GCLM: variants seen among roughly 807,000 people sequenced by gnomAD.
GCLM encodes the protein glutamate--cysteine ligase regulatory subunit.
Under a neutral mutation model 36.0 loss-of-function variants are expected in GCLM, and 15 were observed. That is an observed-to-expected ratio of 0.42 (90% CI 0.28 to 0.64). The LOEUF (loss-of-function observed/expected upper bound fraction) is 0.64, where lower values mean the gene tolerates loss of function less well. Ranked by LOEUF, GCLM falls within the 30% of genes least tolerant of loss-of-function variation. The pLI, the probability that GCLM is intolerant of heterozygous loss-of-function variation, is 0.25. For synonymous variants in GCLM, 129 were observed against 122.8 expected, an observed-to-expected ratio of 1.05 and a Z score of -0.34; for missense variants, 242 against 325.5, an observed-to-expected ratio of 0.74 and a Z score of 1.97.
At chr1:93,900,933 A>G (rs558865034) in intron 3 of GCLM, among the ~76,000 whole-genome samples, 19 of 152,318 alleles carry the variant, frequency 1.2e-4, no homozygotes, top group Non-Finnish European at 2.6e-4. Flanking sequence ...GAGAAAACTG[A>G]GACTCAGGGA....
intron 1 of GCLM, among the ~76,000 whole-genome samples, chr1:93,908,372 A>G (rs1321077376): frequency 1.3e-5 from 2 of 152,126 alleles, no homozygotes; most frequent in African/African-American, 2.4e-5. Context: ...TTATATTTGT[A>G]CATATTTATG....
In GCLM at chr1:93,901,623, T is replaced by C; in HGVS notation, c.239A>G (p.Lys80Arg). The C allele has an allele frequency of 6.3e-7, 1 of 1,584,350 alleles. No individual in the cohort carries two copies. The highest frequency in any genetic ancestry group is 1.1e-5 in the South Asian group (1 of 90,078). The part of the protein sequence containing the change: ...LECTVSHAVE[K>R]INPDEREEMK... ...TTCTTCTCTTTCATCAGGATTTATC[T>C]TTTCTACTGCATGAGATACAGTGCA... The change falls in exon 3 of 7, where the codon AAG becomes AGG. Residue 80 changes from lysine (K) to arginine (R), a missense_variant. By Grantham distance (26) the Lys-to-Arg change is conservative. Coordinates refer to ENST00000370238, the MANE Select transcript of GCLM (RefSeq NM_002061.4).
At chr1:93,900,191 T>C (rs537288817) in intron 3 of GCLM, among the ~76,000 whole-genome samples, 1 of 152,138 alleles carries the variant, frequency 6.6e-6, no homozygotes, top group Non-Finnish European at 1.5e-5. Flanking sequence ...CTTTAGCCCC[T>C]ATAACTCTAT....
chr1:93,891,157 G>C (rs953394881), intron 6 of GCLM, among the ~76,000 whole-genome samples: 2 of 152,114 alleles, frequency 1.3e-5, no homozygotes, highest in African/African-American at 4.8e-5. Flanking sequence ...AAAGTGCTGG[G>C]ATTACAGGTG....
intron 5 of GCLM, among the ~76,000 whole-genome samples, chr1:93,896,046 T>G (rs1250308810): frequency 6.9e-6 from 1 of 145,926 alleles, no homozygotes; most frequent in Non-Finnish European, 1.5e-5. Context: ...CACTGCAACC[T>G]CCGCCTCTGA....
intron 6 of GCLM, among the ~76,000 whole-genome samples, chr1:93,890,758 C>T (rs1435734040): frequency 6.6e-6 from 1 of 152,104 alleles, no homozygotes; most frequent in Non-Finnish European, 1.5e-5. Context: ...AGTACAAGTA[C>T]ATTCTTAAAG....
chr1:93,908,077 C>G (rs1657208740), intron 1 of GCLM, among the ~76,000 whole-genome samples: 1 of 152,190 alleles, frequency 6.6e-6, no homozygotes. Context: ...TATATTACCT[C>G]TTAATTCTCA....
At position 93,901,687 on chromosome 1, in the gene GCLM, T is replaced by C. The variant is rs559168642; in HGVS notation, c.193-18A>G. The C allele has an allele frequency of 8.1e-6, 10 of 1,241,556 alleles. No individual in the cohort carries two copies. The highest frequency in any genetic ancestry group is 4.2e-5 in the Admixed American group (2 of 47,968). 76.9% of individuals were successfully genotyped at this position (1,241,556 alleles called of 1,614,324 possible). A position where few individuals can be genotyped will look rare whatever the true frequency, so the allele number is the denominator to read the frequency against. On this transcript the variant is annotated intron_variant, in intron 2 of 6. Coordinates refer to ENST00000370238, the MANE Select transcript of GCLM (RefSeq NM_002061.4). ...GGAAACTCCTATAATAAACACAATATTTAAAACAAATATAAAATTTAATGC... is the reference window on the plus strand; with the variant it reads ...GGAAACTCCTATAATAAACACAATACTTAAAACAAATATAAAATTTAATGC...
rs1488539946 is a variant in GCLM at position 93,886,902 on chromosome 1, C to T, written c.*2088G>A. ...GATGAACTATATATATATTTAATAA[C>T]ATTACATACAATTAATATAAAGGCT... On this transcript the variant is annotated 3_prime_UTR_variant, in exon 7 of 7. Coordinates refer to ENST00000370238, the MANE Select transcript of GCLM (RefSeq NM_002061.4). 6.6e-6 allele frequency: 1 copy of T among 151,700 alleles called. No homozygotes were observed. The highest frequency in any genetic ancestry group is 1.5e-5 in the Non-Finnish European group (1 of 67,962). The allele number at this position is 151,700 out of a possible 1,614,324, so 9.4% of individuals were successfully genotyped here. A position where few individuals can be genotyped will look rare whatever the true frequency, so the allele number is the denominator to read the frequency against.
At position 93,896,771 on chromosome 1, in the gene GCLM, T is replaced by G; in HGVS notation, c.387A>C (p.Ser129=). 6.2e-7 allele frequency: 1 copy of G among 1,610,414 alleles called. No individual in the cohort carries two copies. The highest frequency in any genetic ancestry group is 8.5e-7 in the Non-Finnish European group (1 of 1,176,676). The change falls in exon 5 of 7, where the codon TCA becomes TCC. Residue 129 remains serine, a synonymous_variant. Transcript: ENST00000370238. ...GATTAACTCCATCTTCAATAGGAGG[T>G]GAAGCAATGATCACAGAATCCAGCT... The part of the protein sequence containing the change: ...VAQLDSVIIA[S]PPIEDGVNLS...
chr1:93,893,501 T>C (rs1400032216), intron 6 of GCLM, among the ~76,000 whole-genome samples: 1 of 152,184 alleles, frequency 6.6e-6, no homozygotes. Flanking sequence ...AACCCACTGA[T>C]ATTGTGTCAT....
chr1:93,894,301 A>G (rs894323820), intron 6 of GCLM, among the ~76,000 whole-genome samples: 3 of 151,784 alleles, frequency 2.0e-5, no homozygotes, highest in African/African-American at 4.8e-5. Flanking sequence ...AGTCTTTGCT[A>G]TACTAGATAG....
intron 1 of GCLM, among the ~76,000 whole-genome samples, chr1:93,905,548 G>T (rs1020932476): frequency 2.6e-5 from 4 of 152,090 alleles, no homozygotes; most frequent in African/African-American, 9.7e-5. Flanking sequence ...CACTCCAGAA[G>T]TCATTTCGTA....
At chr1:93,890,468 TA>T (rs1015309395) in intron 6 of GCLM, among the ~76,000 whole-genome samples, 1 of 152,182 alleles carries the variant, frequency 6.6e-6, no homozygotes, top group African/African-American at 2.4e-5. Flanking sequence ...GGTGACATTT[TA>T]AAAATGAAAA....
chr1:93,909,385 C>T lies in GCLM; in HGVS notation c.-222G>A. 2 of 814,670 alleles carry T rather than the reference C, an allele frequency of 2.5e-6. No individual in the cohort carries two copies. Among genetic ancestry groups the T allele is most frequent in the African/African-American group, 1.8e-5 (1 of 54,590 alleles). 50.5% of individuals were successfully genotyped at this position (814,670 alleles called of 1,614,324 possible). On this transcript the variant is annotated 5_prime_UTR_variant, in exon 1 of 7. Transcript: ENST00000370238. ...AAGGAAGGCACCGGTGGCTGCGGCT[C>T]CGGCTCCGGCTACTGCGGCCGCAGC...
Position 93,909,107 on chromosome 1 carries a change from G to A in GCLM, c.57C>T (p.His19=). The A allele has an allele frequency of 6.8e-7, 1 of 1,470,692 alleles. No individual in the cohort carries two copies. The highest frequency in any genetic ancestry group is 1.3e-5 in the South Asian group (1 of 77,988). 91.1% of individuals were successfully genotyped at this position (1,470,692 alleles called of 1,614,324 possible). Reference sequence around the variant, plus strand: ...AGTTCAGCAGGTTCCCCGTCTGCAGGTGCAGGGTGCGGGCCCGCGCCAGGA... The same window carrying A: ...AGTTCAGCAGGTTCCCCGTCTGCAGATGCAGGGTGCGGGCCCGCGCCAGGA... ...KALLARARTL[H]LQTGNLLNWG... The change falls in exon 1 of 7, where the codon CAC becomes CAT. Residue 19 remains histidine (H), a synonymous_variant. Coordinates refer to ENST00000370238, the MANE Select transcript of GCLM (RefSeq NM_002061.4).
At position 93,903,287 on chromosome 1, in the gene GCLM, CTTAT is replaced by C. The variant is rs200484311; in HGVS notation, c.192+1232_192+1235del. Among the ~76,000 whole-genome samples the C allele has an allele frequency of 3.9e-3, 587 of 151,260 alleles. 3 individuals are homozygous for C. Among genetic ancestry groups the C allele is most frequent in the African/African-American group, 0.013 (530 of 41,332 alleles). The stretch of plus-strand genomic sequence containing the variant: ...GTTTTATAATCACAAGCATTTTATT[CTTAT>C]TTATTTATTTATTTAATTTTATTAT... On this transcript the variant is annotated intron_variant, in intron 2 of 6. Transcript: ENST00000370238.
intron 1 of GCLM, among the ~76,000 whole-genome samples, chr1:93,906,432 T>C (rs984927745): frequency 1.2e-4 from 18 of 152,156 alleles, no homozygotes; most frequent in African/African-American, 4.1e-4. Flanking sequence ...TTCTAAGAAA[T>C]TTCCCTCTGG....
chr1:93,887,264 G>A lies in GCLM; in HGVS notation c.*1726C>T, dbSNP rs867715995. 6.6e-6 allele frequency: 1 copy of A among 152,284 alleles called. No homozygotes were observed. The highest frequency in any genetic ancestry group is 2.4e-5 in the African/African-American group (1 of 41,540). The allele number at this position is 152,284 out of a possible 1,614,324, so 9.4% of individuals were successfully genotyped here. A position where few individuals can be genotyped will look rare whatever the true frequency, so the allele number is the denominator to read the frequency against. On this transcript the variant is annotated 3_prime_UTR_variant, in exon 7 of 7. Coordinates refer to ENST00000370238, the MANE Select transcript of GCLM (RefSeq NM_002061.4). The stretch of plus-strand genomic sequence containing the variant: ...CTGCCTTGGCCTCCCAGAGTGCTGG[G>A]ATTACAGGCATGAGGTGTGCCCGGG...
Sources: allele counts gnomAD v4.1 joint callset (sites outside exome capture counted in the v4.1 genomes callset), GRCh38; gene constraint gnomAD v4.1.1; transcripts MANE v1.5; gene names NCBI Gene and HGNC (gene_info 2026-07-23, HGNC 2026-07-21).